The following NOLC1 variants were observed in gnomAD, a reference collection of about 807,000 sequenced individuals.
NOLC1 encodes the protein nucleolar and coiled-body phosphoprotein 1.
A neutral mutation model predicts 73.4 loss-of-function variants in NOLC1; 37 were observed. The observed-to-expected ratio is 0.50, with a 90% CI of 0.39 to 0.66. The LOEUF (loss-of-function observed/expected upper bound fraction) is 0.66. Among genes scored for constraint, NOLC1 ranks in the 30% least tolerant of loss-of-function variants. The pLI is 0.00. For synonymous variants in NOLC1, 327 were observed against 302.6 expected, an observed-to-expected ratio of 1.08 and a Z score of -0.84; for missense variants, 921 against 838.9, an observed-to-expected ratio of 1.10 and a Z score of -1.21.
At chr10:102,157,612 A>C in intron 4 of NOLC1, 57 bp downstream of exon 4, 1 of 1,572,656 alleles carries the variant, frequency 6.4e-7, no homozygotes, top group South Asian at 1.2e-5. Flanking sequence ...GAAACCTAAA[A>C]TCTTGGCCTC....
chr10:102,152,727 T>G (rs2069527119), intron 1 of NOLC1, among the ~76,000 whole-genome samples, 197 bp downstream of exon 1: 1 of 152,210 alleles, frequency 6.6e-6, no homozygotes, highest in South Asian at 2.1e-4. Context: ...TCTGAGTAGA[T>G]ATCGCTGAGT....
At position 102,160,657 on chromosome 10, in the gene NOLC1, G is replaced by C; in HGVS notation, c.1305G>C (p.Glu435Asp). 4.3e-6 allele frequency: 7 copies of C among 1,614,190 alleles called. No homozygotes were observed. Among genetic ancestry groups the C allele is most frequent in the Non-Finnish European group, 5.9e-6 (7 of 1,180,036 alleles). Residue 435 changes from glutamate to aspartate, a missense_variant, in exon 10 of 13, where the codon GAG (glutamate) becomes GAC (aspartate). Glu to Asp is a conservative substitution (Grantham distance 45). Transcript: ENST00000605788. ...AGGAAGAGAGCAGCTCCAGTGAGGA[G>C]GAGAAGACAAAGAAGATGGTGGCCA... Reference protein sequence around the residue: ...SSEEESSSSEEEKTKKMVATT... With the variant: ...SSEEESSSSEDEKTKKMVATT...
At chr10:102,154,464 C>T (rs2069557407) in intron 1 of NOLC1, among the ~76,000 whole-genome samples, 1 of 152,112 alleles carries the variant, frequency 6.6e-6, no homozygotes, top group South Asian at 2.1e-4. Context: ...AAAATAATCT[C>T]AGGGAGATAA....
Position 102,162,498 on chromosome 10 carries a change from TA to T in NOLC1, c.*230del. 2.7e-6 allele frequency: 1 copy of T among 364,426 alleles called. No individual in the cohort carries two copies. The highest frequency in any genetic ancestry group is 4.9e-6 in the Non-Finnish European group (1 of 205,636). The allele number at this position is 364,426 out of a possible 1,614,324, so 22.6% of individuals were successfully genotyped here. On this transcript the variant is annotated 3_prime_UTR_variant, in exon 13 of 13. Transcript: ENST00000605788. Reference sequence around the variant, plus strand: ...TAGCAGGGACAAAATAAGGGAATGTTATTTTTTAAGAAAATTCATTTTCATT... The same window carrying T: ...TAGCAGGGACAAAATAAGGGAATGTTTTTTTTAAGAAAATTCATTTTCATT...
chr10:102,157,927 T>C (rs2069625742), intron 4 of NOLC1, 122 bp from the exon 5 acceptor site: 1 of 879,318 alleles, frequency 1.1e-6, no homozygotes, highest in Admixed American at 2.8e-5. Context: ...TTCCGTATCC[T>C]GTCCTTAGCT....
Position 102,162,165 on chromosome 10 carries a change from A to G in NOLC1, c.1996A>G (p.Lys666Glu). The change falls in exon 13 of 13, where the codon AAA becomes GAA. Residue 666 changes from lysine to glutamate, a missense_variant. Transcript: ENST00000605788. Reference sequence around the variant, plus strand: ...AGCCAATCAGGTTTTGAAGTTCACCAAAGGCAAGTCCTTTCGGCATGAGAA... The same window carrying G: ...AGCCAATCAGGTTTTGAAGTTCACCGAAGGCAAGTCCTTTCGGCATGAGAA... ...ERANQVLKFTKGKSFRHEKTK... is the reference protein window; with the variant it reads ...ERANQVLKFTEGKSFRHEKTK... 6.2e-7 allele frequency: 1 copy of G among 1,614,160 alleles called. No individual in the cohort carries two copies.
At chr10:102,152,640 T>G in intron 1 of NOLC1, 110 bp downstream of exon 1, 1 of 1,493,534 alleles carries the variant, frequency 6.7e-7, no homozygotes, top group Non-Finnish European at 9.1e-7. Flanking sequence ...CAGTCCAGTG[T>G]CTGCAAGGCC....
At position 102,160,490 on chromosome 10, in the gene NOLC1, C is replaced by T. The variant is rs763137592; in HGVS notation, c.1138C>T (p.Pro380Ser). Residue 380 changes from proline to serine, a missense_variant, in exon 10 of 13, where the codon CCA becomes TCA. Coordinates refer to ENST00000605788, the MANE Select transcript of NOLC1 (RefSeq NM_004741.5). ...TGAGGATGATGAAGCTCCTTCTAAGCCAGCTGGTACCACCAAGAATTCTTC... is the reference window on the plus strand; with the variant it reads ...TGAGGATGATGAAGCTCCTTCTAAGTCAGCTGGTACCACCAAGAATTCTTC... ...SSEDDEAPSK[P>S]AGTTKNSSNK... 6.2e-7 allele frequency: 1 copy of T among 1,614,074 alleles called. No homozygotes were observed. Among genetic ancestry groups the T allele is most frequent in the East Asian group, 2.2e-5 (1 of 44,888 alleles).
At chr10:102,161,973 C>T (rs774446169) in intron 12 of NOLC1, 48 bp downstream of exon 12, 3 of 1,602,412 alleles carry the variant, frequency 1.9e-6, no homozygotes, top group Non-Finnish European at 2.6e-6. Context: ...TGGGTAGTGT[C>T]AGAGAGGACA....
intron 10 of NOLC1, 127 bp downstream of exon 10, chr10:102,161,220 G>A: frequency 1.0e-6 from 1 of 977,056 alleles, no homozygotes; most frequent in Non-Finnish European, 1.5e-6. Context: ...CTGGGAGGAA[G>A]AACAGGAAAC....
intron 1 of NOLC1, among the ~76,000 whole-genome samples, chr10:102,155,022 A>ATTTTTT (rs34034390): frequency 2.4e-4 from 32 of 131,248 alleles, no homozygotes; most frequent in African/African-American, 8.2e-4. Context: ...CACCTGGCTA[A>ATTTTTT]TTTTTTTTTT....
chr10:102,154,748 C>T (rs1361616992), intron 1 of NOLC1, among the ~76,000 whole-genome samples: 1 of 152,046 alleles, frequency 6.6e-6, no homozygotes, highest in African/African-American at 2.4e-5. Flanking sequence ...AGGCTGGTCT[C>T]AAATTCCTGA....
chr10:102,161,013 C>T lies in NOLC1; in HGVS notation c.1661C>T (p.Ala554Val), dbSNP rs1394964146. 6.2e-7 allele frequency: 1 copy of T among 1,613,866 alleles called. No individual in the cohort carries two copies. Among genetic ancestry groups the T allele is most frequent in the South Asian group, 1.1e-5 (1 of 91,058 alleles). The change falls in exon 10 of 13, where the codon GCC (alanine) becomes GTC (valine). Residue 554 changes from alanine (A) to valine (V), a missense_variant. By Grantham distance (64) the Ala-to-Val change is moderately conservative. Coordinates refer to ENST00000605788, the MANE Select transcript of NOLC1 (RefSeq NM_004741.5). ...GCCAATGGCACCTCTGCACTGACTG[C>T]CCAGAATGGAAAAGCAGCTAAGAAC... is the stretch of plus-strand genomic sequence containing the variant. ...PKANGTSALT[A>V]QNGKAAKNSE...
At chr10:102,155,438 G>C (rs2069580031) in intron 1 of NOLC1, among the ~76,000 whole-genome samples, 1 of 150,818 alleles carries the variant, frequency 6.6e-6, no homozygotes, top group Non-Finnish European at 1.5e-5. Flanking sequence ...GCCCAGGCTG[G>C]TCTTGAACTC....
Position 102,157,214 on chromosome 10 carries a change from T to G in NOLC1, c.202T>G (p.Leu68Val), listed in dbSNP as rs2069612414. 1 of 1,614,038 alleles carries G rather than the reference T, an allele frequency of 6.2e-7. No homozygotes were observed. Among genetic ancestry groups the G allele is most frequent in the Non-Finnish European group, 8.5e-7 (1 of 1,180,036 alleles). Residue 68 changes from leucine to valine, a missense_variant, in exon 3 of 13, where the codon TTA becomes GTA. By Grantham distance (32) the Leu-to-Val change is conservative. Transcript: ENST00000605788. The part of the protein sequence containing the change: ...LKSAKVPERK[L>V]QANGPVAKKA... ...GTCTGCCAAGGTCCCAGAGCGAAAG[T>G]TACAGGCAAATGGACCAGTGGCTAA...
Position 102,159,557 on chromosome 10 carries a change from A to G in NOLC1, c.848A>G (p.Lys283Arg), listed in dbSNP as rs769110619. The G allele has an allele frequency of 6.8e-5, 110 of 1,613,934 alleles. 1 individual carries two copies. The South Asian group carries it at 1.1e-3, about 16-fold the overall frequency. Residue 283 changes from lysine to arginine, a missense_variant, in exon 7 of 13, where the codon AAA becomes AGA. Transcript: ENST00000605788. Reference sequence around the variant, plus strand: ...GAAGAGGAGCAAAAAAAACCCATGAAAAATAAACCAGGTGACTGGACATGG... The same window carrying G: ...GAAGAGGAGCAAAAAAAACCCATGAGAAATAAACCAGGTGACTGGACATGG... The part of the protein sequence containing the change: ...DEEEEQKKPM[K>R]NKPGPYSSVP...
chr10:102,156,938 TTATG>T lies in NOLC1; in HGVS notation c.121-74_121-71del. Reference sequence around the variant, plus strand: ...GTAACATTTATACCAAATTTAGTAATTATGTATGTAACAGGCCACATTTAATGAA... The same window carrying T: ...GTAACATTTATACCAAATTTAGTAATTATGTAACAGGCCACATTTAATGAA... On this transcript the variant is annotated intron_variant, in intron 1 of 12. Transcript: ENST00000605788. 3 of 1,278,572 alleles carry T rather than the reference TTATG, an allele frequency of 2.3e-6. No homozygotes were observed. The African/African-American group carries it at 4.4e-5, about 19-fold the overall frequency. 79.2% of individuals were successfully genotyped at this position (1,278,572 alleles called of 1,614,324 possible). A position where few individuals can be genotyped will look rare whatever the true frequency, so the allele number is the denominator to read the frequency against.
chr10:102,159,465 C>T lies in NOLC1; in HGVS notation c.756C>T (p.Ala252=), dbSNP rs539910358. 6.2e-7 allele frequency: 1 copy of T among 1,614,086 alleles called. No individual in the cohort carries two copies. Among genetic ancestry groups the T allele is most frequent in the Non-Finnish European group, 8.5e-7 (1 of 1,180,020 alleles). ...CTAAAAAGCAAGTTGTGGCCAAGGC[C>T]CCAGTGAAAGCAGCTACCACCCCTA... ...TVPKKQVVAK[A]PVKAATTPTR... The change falls in exon 7 of 13, where the codon GCC becomes GCT. Residue 252 remains alanine, a synonymous_variant. Coordinates refer to ENST00000605788, the MANE Select transcript of NOLC1 (RefSeq NM_004741.5).
chr10:102,161,238 CT>C (rs11392804), intron 10 of NOLC1, 145 bp downstream of exon 10: 56,861 of 628,718 alleles, frequency 0.09, no homozygotes, highest in South Asian at 0.16. Context: ...AACTGGTTAC[CT>C]TTTTTTTTTT....
Sources: gnomAD v4.1 joint callset for allele counts (sites outside exome capture counted in the v4.1 genomes callset) on GRCh38, gnomAD v4.1.1 for gene constraint, MANE v1.5 for transcripts, NCBI Gene and HGNC (gene_info 2026-07-23, HGNC 2026-07-21) for gene names.